AP2A2: variants seen among roughly 807,000 people sequenced by gnomAD.
AP2A2 encodes the protein AP-2 complex subunit alpha-2.
Under a neutral mutation model 104.2 loss-of-function variants are expected in AP2A2, and 32 were observed. The observed-to-expected ratio is 0.31, with a 90% CI of 0.23 to 0.41. The LOEUF is 0.41. Ranked by LOEUF, AP2A2 falls within the 10% of genes least tolerant of loss-of-function variation. The pLI, the probability that AP2A2 is intolerant of heterozygous loss-of-function variation, is 1.00. For synonymous variants in AP2A2, 539 were observed against 533.3 expected (o/e 1.01, Z -0.15); for missense variants, 912 against 1,261.0 (o/e 0.72, Z 4.19).
At chr11:1,008,360 A>C in intron 18 of AP2A2, 1 of 583,976 alleles carries the variant, frequency 1.7e-6, no homozygotes, top group South Asian at 2.6e-5. Context: ...GGCAGCTCCC[A>C]CATGGGGCCT....
intron 8 of AP2A2, 28 bp from the exon 9 acceptor site, chr11:986,757 C>A (rs759619840): frequency 6.2e-7 from 1 of 1,607,016 alleles, no homozygotes; most frequent in South Asian, 1.1e-5. Context: ...CTGAGGAAAC[C>A]CCACCCACTT....
chr11:959,195 C>G (rs188184497), intron 1 of AP2A2, among the ~76,000 whole-genome samples: 2 of 152,246 alleles, frequency 1.3e-5, no homozygotes, highest in African/African-American at 4.8e-5. Context: ...CGGTTCAGGA[C>G]TCGCTCCTTT....
intron 1 of AP2A2, among the ~76,000 whole-genome samples, chr11:953,785 C>G (rs114137211): frequency 0.029 from 4,365 of 152,004 alleles, 217 homozygotes; most frequent in African/African-American, 0.098. Flanking sequence ...TTAGGCTCTC[C>G]TGTCCTCAGG....
At chr11:986,696 C>T (rs563549450) in intron 8 of AP2A2, 89 bp from the exon 9 acceptor site, 14 of 1,462,518 alleles carry the variant, frequency 9.6e-6, no homozygotes, top group African/African-American at 5.5e-5. Flanking sequence ...TGCTGTCTGC[C>T]ATCTGGACCC....
intron 14 of AP2A2, among the ~76,000 whole-genome samples, chr11:994,615 T>C (rs1397926829): frequency 6.9e-6 from 1 of 144,034 alleles, no homozygotes; most frequent in African/African-American, 2.6e-5. Context: ...CTGTCCCTGC[T>C]GCACACCCTG....
chr11:983,463 A>G (rs1003493422), intron 6 of AP2A2, among the ~76,000 whole-genome samples: 4 of 151,566 alleles, frequency 2.6e-5, no homozygotes, highest in Admixed American at 1.3e-4. Flanking sequence ...GCTCACTACA[A>G]GCTCCGCCTC....
intron 15 of AP2A2, among the ~76,000 whole-genome samples, chr11:1,001,633 GTCTTACTGC>G (rs1313776455): frequency 6.6e-6 from 1 of 152,192 alleles, no homozygotes; most frequent in Admixed American, 6.5e-5. Context: ...GCTGAAAACA[GTCTTACTGC>G]TCTTAGAGTC....
chr11:1,002,332 G>A (rs1220118690), intron 15 of AP2A2, among the ~76,000 whole-genome samples: 2 of 152,256 alleles, frequency 1.3e-5, no homozygotes, highest in East Asian at 1.9e-4. Context: ...CCTGTTAAGC[G>A]ATCTCTGCTT....
Position 1,006,691 on chromosome 11 carries a change from T to A in AP2A2, c.2296+74T>A, listed in dbSNP as rs533621312. On this transcript the variant is annotated intron_variant, in intron 17 of 21. Transcript: ENST00000448903. ...CTTAGAGGAGGCTTTTGAGGAAGTT[T>A]TTTGGTTTTCTTATTTTGTTAAAAT... The A allele has an allele frequency of 2.1e-5, 26 of 1,225,900 alleles. No homozygotes were observed. In the Middle Eastern group the frequency reaches 5.8e-4, roughly 28 times the overall value. The allele number at this position is 1,225,900 out of a possible 1,614,324, so 75.9% of individuals were successfully genotyped here.
chr11:926,958 C>T (rs7482491), intron 1 of AP2A2, among the ~76,000 whole-genome samples: 10,536 of 152,288 alleles, frequency 0.069, 451 homozygotes, highest in South Asian at 0.096. Flanking sequence ...CTCCTCTTGG[C>T]TTTCAGAGGC....
At chr11:977,341 G>A in intron 5 of AP2A2, 117 bp downstream of exon 5, 1 of 1,365,066 alleles carries the variant, frequency 7.3e-7, no homozygotes, top group Non-Finnish European at 9.8e-7. Flanking sequence ...CACAGGGGCT[G>A]CTGTGGCTGC....
At chr11:939,169 C>G (rs1853562373) in intron 1 of AP2A2, among the ~76,000 whole-genome samples, 1 of 148,310 alleles carries the variant, frequency 6.7e-6, no homozygotes, top group Non-Finnish European at 1.5e-5. Flanking sequence ...CAGAATCACT[C>G]GAACCCGGGA....
At chr11:994,784 A>G (rs1180106874) in intron 14 of AP2A2, among the ~76,000 whole-genome samples, 5 of 106,576 alleles carry the variant, frequency 4.7e-5, no homozygotes, top group South Asian at 3.3e-4. Flanking sequence ...CCTGCTGCAC[A>G]CCCTGCTGGC....
chr11:999,568 GTCTT>G (rs1295321728), intron 14 of AP2A2, among the ~76,000 whole-genome samples: 3 of 152,070 alleles, frequency 2.0e-5, no homozygotes, highest in African/African-American at 7.2e-5. Context: ...GACTCAAGCA[GTCTT>G]TCTGTCTCAA....
intron 1 of AP2A2, among the ~76,000 whole-genome samples, chr11:928,666 C>CGCCGT (rs1853195167): frequency 6.6e-6 from 1 of 152,344 alleles, no homozygotes; most frequent in African/African-American, 2.4e-5. Context: ...CAAAGTTGTC[C>CGCCGT]GCCGTCGAGA....
intron 4 of AP2A2, among the ~76,000 whole-genome samples, chr11:975,410 T>C (rs913810626): frequency 6.7e-6 from 1 of 148,750 alleles, no homozygotes; most frequent in Non-Finnish European, 1.5e-5. Flanking sequence ...AGTGGGGTCC[T>C]CGGTCTCCCT....
Position 1,010,966 on chromosome 11 carries a change from CG to C in AP2A2, c.*342del, listed in dbSNP as rs1347290506. On this transcript the variant is annotated 3_prime_UTR_variant, in exon 22 of 22. Transcript: ENST00000448903. ...TTGTGGGAGTGTCACTGAGATGGCC[CG>C]TGCTGCCGCCCACCCCGCCTCGGAG... is the stretch of plus-strand genomic sequence containing the variant. The C allele has an allele frequency of 2.8e-6, 2 of 724,464 alleles. No individual in the cohort carries two copies. Among genetic ancestry groups the C allele is most frequent in the Non-Finnish European group, 5.1e-6 (2 of 393,274 alleles). The allele number at this position is 724,464 out of a possible 1,614,324, so 44.9% of individuals were successfully genotyped here.
chr11:959,570 C>A, intron 2 of AP2A2, 65 bp downstream of exon 2: 2 of 1,017,528 alleles, frequency 2.0e-6, no homozygotes, highest in South Asian at 1.4e-5. Context: ...AGAACCCAGT[C>A]TTTTAATACT....
chr11:1,009,547 G>C, intron 20 of AP2A2, 136 bp from the exon 21 acceptor site: 2 of 1,286,734 alleles, frequency 1.6e-6, no homozygotes, highest in Non-Finnish European at 2.1e-6. Flanking sequence ...CCGCGACCCA[G>C]CGCCAGGGTC....
Sources: gnomAD v4.1 joint callset for allele counts (sites outside exome capture counted in the v4.1 genomes callset) on GRCh38, gnomAD v4.1.1 for gene constraint, MANE v1.5 for transcripts, NCBI Gene and HGNC (gene_info 2026-07-23, HGNC 2026-07-21) for gene names.